Variants in ZNF652 observed in about 807,000 individuals in gnomAD.
ZNF652 encodes the protein zinc finger protein 652.
ZNF652 carries 16 observed loss-of-function variants against 45.2 expected under a neutral mutation model. The ratio of observed to expected loss-of-function variants is 0.35; its 90% confidence interval spans 0.24 to 0.54. ZNF652 has a LOEUF of 0.54. ZNF652 is among the 20% of genes least tolerant of loss of function. The pLI is 0.91. For missense variants in ZNF652, 614 were observed against 765.6 expected (o/e 0.80, Z 2.34); for synonymous variants, 250 against 260.6 (o/e 0.96, Z 0.39).
intron 1 of ZNF652, among the ~76,000 whole-genome samples, chr17:49,350,455 C>T (rs528635784): frequency 6.6e-6 from 1 of 151,510 alleles, no homozygotes; most frequent in South Asian, 2.1e-4. Flanking sequence ...AGGAGAATCG[C>T]TTGAACCTGG....
At chr17:49,340,842 G>A (rs1318021535) in intron 1 of ZNF652, among the ~76,000 whole-genome samples, 1 of 152,114 alleles carries the variant, frequency 6.6e-6, no homozygotes, top group Non-Finnish European at 1.5e-5. Flanking sequence ...CCAGGAGGCT[G>A]GGGCTGCAGT....
chr17:49,314,369 C>T (rs753311924), intron 2 of ZNF652, among the ~76,000 whole-genome samples: 9 of 152,016 alleles, frequency 5.9e-5, no homozygotes, highest in Non-Finnish European at 1.0e-4. Flanking sequence ...ACTATGTTGG[C>T]CAGGCTGGTC....
At chr17:49,313,210 C>T (rs2069742280) in intron 2 of ZNF652, among the ~76,000 whole-genome samples, 1 of 152,178 alleles carries the variant, frequency 6.6e-6, no homozygotes, top group African/African-American at 2.4e-5. Flanking sequence ...GGCCGGAGTG[C>T]AGTGGCGCGA....
At chr17:49,333,649 G>A (rs2070049682) in intron 1 of ZNF652, among the ~76,000 whole-genome samples, 1 of 147,674 alleles carries the variant, frequency 6.8e-6, no homozygotes, top group Non-Finnish European at 1.5e-5. Flanking sequence ...GAACCCAGGA[G>A]GCGGAGCTTG....
intron 1 of ZNF652, among the ~76,000 whole-genome samples, chr17:49,324,232 AC>A (rs752534132): frequency 6.6e-6 from 1 of 152,252 alleles, no homozygotes; most frequent in Non-Finnish European, 1.5e-5. Context: ...CTGGCTTCCA[AC>A]TTTTCTTCTG....
chr17:49,311,346 C>T lies in ZNF652; in HGVS notation c.1275G>A (p.Lys425=). The T allele has an allele frequency of 1.2e-6, 2 of 1,614,126 alleles. No individual in the cohort carries two copies. Among genetic ancestry groups the T allele is most frequent in the Non-Finnish European group, 1.7e-6 (2 of 1,180,010 alleles). The change falls in exon 5 of 6, where the codon AAG becomes AAA. Residue 425 remains lysine (K), a synonymous_variant. Transcript: ENST00000430262. Reference sequence around the variant, plus strand: ...TTTTCATGTGTTCGTCGAAGTACTGCTTCATGTTGAAATCCTTGCCACACC... The same window carrying T: ...TTTTCATGTGTTCGTCGAAGTACTGTTTCATGTTGAAATCCTTGCCACACC... ...CQWCGKDFNM[K]QYFDEHMKTH...
chr17:49,298,460 AGTT>A lies in ZNF652; in HGVS notation c.1771_1773del (p.Asn591del), dbSNP rs2069504296. On this transcript the variant is annotated inframe_deletion, in exon 6 of 6. Coordinates refer to ENST00000430262, the MANE Select transcript of ZNF652 (RefSeq NM_001145365.3). ...TTCTTCTCTGCCAGGTGCCGCAGAA[AGTT>A]GTCCTCACTCTGGCCTCTATGATTT... The A allele has an allele frequency of 3.1e-6, 5 of 1,613,036 alleles. No homozygotes were observed. The East Asian group carries it at 1.1e-4, about 36-fold the overall frequency.
chr17:49,331,848 A>C (rs998923311), intron 1 of ZNF652, among the ~76,000 whole-genome samples: 1 of 152,218 alleles, frequency 6.6e-6, no homozygotes, highest in Admixed American at 6.5e-5. Flanking sequence ...GCATGCCTGT[A>C]GTCCCAGCTA....
At chr17:49,341,417 C>A (rs141246693) in intron 1 of ZNF652, among the ~76,000 whole-genome samples, 1 of 140,396 alleles carries the variant, frequency 7.1e-6, no homozygotes, top group African/African-American at 2.7e-5. Flanking sequence ...CTTTGGGAGG[C>A]TGAGGTGGAA....
chr17:49,317,828 C>A lies in ZNF652; in HGVS notation c.-103G>T. The A allele has an allele frequency of 8.2e-7, 1 of 1,224,828 alleles. No homozygotes were observed. The highest frequency in any genetic ancestry group is 1.1e-6 in the Non-Finnish European group (1 of 912,682). The allele number at this position is 1,224,828 out of a possible 1,614,324, so 75.9% of individuals were successfully genotyped here. On this transcript the variant is annotated 5_prime_UTR_variant, in exon 2 of 6. Transcript: ENST00000430262. ...ATCTTTTCTCATCCACAAAGAATCA[C>A]TCAAATGAAAAAAAGATATTCCTGG...
Position 49,295,755 on chromosome 17 carries a change from T to C in ZNF652, c.*2658A>G, listed in dbSNP as rs1598277326. 1 of 151,970 alleles carries C rather than the reference T, an allele frequency of 6.6e-6. No individual in the cohort carries two copies. Among genetic ancestry groups the C allele is most frequent in the Non-Finnish European group, 1.5e-5 (1 of 68,034 alleles). 9.4% of individuals were successfully genotyped at this position (151,970 alleles called of 1,614,324 possible). On this transcript the variant is annotated 3_prime_UTR_variant, in exon 6 of 6. Transcript: ENST00000430262. The stretch of plus-strand genomic sequence containing the variant: ...GAGTTTGAGACCAGCCTGGCCAATA[T>C]GGTGAAACCCCATCTCTGCCAAAAA...
intron 3 of ZNF652, 137 bp downstream of exon 3, chr17:49,312,561 T>C (rs1055466479): frequency 3.4e-6 from 3 of 882,908 alleles, no homozygotes; most frequent in Non-Finnish European, 5.1e-6. Context: ...TGATACTTAC[T>C]GAAGACATAA....
intron 1 of ZNF652, chr17:49,322,640 C>T (rs2069907946): frequency 6.6e-6 from 1 of 152,238 alleles, no homozygotes; most frequent in Non-Finnish European, 1.5e-5. Flanking sequence ...AATCCCAGCA[C>T]TTTGGGAGGC....
At chr17:49,307,115 C>A (rs2069639892) in intron 5 of ZNF652, among the ~76,000 whole-genome samples, 1 of 152,016 alleles carries the variant, frequency 6.6e-6, no homozygotes, top group South Asian at 2.1e-4. Context: ...TAGCAGGGAA[C>A]TGGCTAAATA....
chr17:49,309,119 T>G (rs1269440464), intron 5 of ZNF652, among the ~76,000 whole-genome samples: 1 of 151,796 alleles, frequency 6.6e-6, no homozygotes, highest in South Asian at 2.1e-4. Context: ...AGAGGTTCCT[T>G]TCAATTCTGT....
At chr17:49,316,337 T>C (rs1030450695) in intron 2 of ZNF652, among the ~76,000 whole-genome samples, 3 of 152,208 alleles carry the variant, frequency 2.0e-5, no homozygotes, top group Admixed American at 6.5e-5. Flanking sequence ...ATCTCTCCAA[T>C]GGTAAAAGCA....
intron 5 of ZNF652, among the ~76,000 whole-genome samples, chr17:49,303,415 A>G (rs1266639416): frequency 1.3e-5 from 2 of 151,336 alleles, no homozygotes; most frequent in Middle Eastern, 3.4e-3. Context: ...TAGTTTTTGT[A>G]TTTTTAGTAG....
At chr17:49,308,262 G>T (rs938314210) in intron 5 of ZNF652, among the ~76,000 whole-genome samples, 1 of 151,628 alleles carries the variant, frequency 6.6e-6, no homozygotes, top group Non-Finnish European at 1.5e-5. Context: ...CTGCAGCCTC[G>T]ATCTCTTGGG....
chr17:49,333,279 G>C (rs953208948), intron 1 of ZNF652, among the ~76,000 whole-genome samples: 1 of 150,108 alleles, frequency 6.7e-6, no homozygotes, highest in Non-Finnish European at 1.5e-5. Context: ...GGATGGTCTC[G>C]ATCTCCCAAC....
Sources: gnomAD v4.1 joint callset for allele counts (sites outside exome capture counted in the v4.1 genomes callset) on GRCh38, gnomAD v4.1.1 for gene constraint, MANE v1.5 for transcripts, NCBI Gene and HGNC (gene_info 2026-07-23, HGNC 2026-07-21) for gene names.